The following AGMO variants were observed in gnomAD, a reference collection of about 807,000 sequenced individuals.
AGMO encodes alkylglycerol monooxygenase.
A neutral mutation model predicts 60.2 loss-of-function variants in AGMO; 75 were observed. That is an observed-to-expected ratio of 1.25 (90% CI 1.03 to 1.51). AGMO has a LOEUF of 1.51. Ranked by LOEUF, AGMO falls within the 40% of genes most tolerant of loss-of-function variation. AGMO has a pLI of 0.00. For missense variants in AGMO, 763 were observed against 525.5 expected, an observed-to-expected ratio of 1.45 and a Z score of -4.42; for synonymous variants, 261 against 177.1, an observed-to-expected ratio of 1.47 and a Z score of -3.76.
At chr7:15,325,658 TG>T (rs1319850575) in intron 12 of AGMO, among the ~76,000 whole-genome samples, 2 of 152,034 alleles carry the variant, frequency 1.3e-5, no homozygotes, top group East Asian at 3.9e-4. Context: ...TTAAAAGAAA[TG>T]TCATGTAAAA....
chr7:15,281,991 C>T (rs1583360183), intron 12 of AGMO, among the ~76,000 whole-genome samples: 1 of 152,138 alleles, frequency 6.6e-6, no homozygotes, highest in African/African-American at 2.4e-5. Flanking sequence ...CCTCTGAAAG[C>T]ACCAAGAGCA....
At chr7:15,369,222 G>A (rs1477239710) in intron 10 of AGMO, among the ~76,000 whole-genome samples, 1 of 151,964 alleles carries the variant, frequency 6.6e-6, no homozygotes, top group South Asian at 2.1e-4. Flanking sequence ...TCCCCTAACT[G>A]GTCTTCCTAC....
At chr7:15,512,041 G>T (rs1783689788) in intron 3 of AGMO, among the ~76,000 whole-genome samples, 1 of 150,240 alleles carries the variant, frequency 6.7e-6, no homozygotes, top group Non-Finnish European at 1.5e-5. Context: ...GAAGAGAAAA[G>T]AAAATGAACA....
chr7:15,138,240 G>C, the AGMO span, among the ~76,000 whole-genome samples: 1 of 152,128 alleles, frequency 6.6e-6, no homozygotes, highest in African/African-American at 2.4e-5. Context: ...CCTGGAGACA[G>C]AGCACTTTGT....
chr7:15,142,155 A>T, the AGMO span, among the ~76,000 whole-genome samples: 1 of 152,224 alleles, frequency 6.6e-6, no homozygotes, highest in Non-Finnish European at 1.5e-5. Flanking sequence ...TAATAATGAC[A>T]TTGTTCCCAA....
At chr7:15,341,260 G>C (rs903379546) in intron 12 of AGMO, among the ~76,000 whole-genome samples, 1 of 152,044 alleles carries the variant, frequency 6.6e-6, no homozygotes, top group African/African-American at 2.4e-5. Flanking sequence ...AAATTTTTAT[G>C]CTCTGTCACC....
the AGMO span, among the ~76,000 whole-genome samples, chr7:15,169,459 C>T: frequency 2.6e-5 from 4 of 151,266 alleles, no homozygotes; most frequent in African/African-American, 9.7e-5. Context: ...TTTTTTGAGA[C>T]AGTCTCGCTC....
intron 12 of AGMO, among the ~76,000 whole-genome samples, chr7:15,329,332 GAA>G (rs1222304467): frequency 6.6e-6 from 1 of 152,124 alleles, no homozygotes; most frequent in African/African-American, 2.4e-5. Context: ...AACAAGTTAT[GAA>G]AAGTCTCAGA....
At chr7:15,299,068 A>G (rs368983100) in intron 12 of AGMO, among the ~76,000 whole-genome samples, 95 of 151,918 alleles carry the variant, frequency 6.3e-4, no homozygotes, top group African/African-American at 2.2e-3. Context: ...ATCTCTAGCC[A>G]CTCTTTCATC....
At chr7:15,160,873 A>G in the AGMO span, among the ~76,000 whole-genome samples, 1 of 152,154 alleles carries the variant, frequency 6.6e-6, no homozygotes, top group African/African-American at 2.4e-5. Flanking sequence ...ATTTACAATG[A>G]ACAAAAATTT....
the AGMO span, among the ~76,000 whole-genome samples, chr7:15,161,891 A>AT: frequency 2.0e-5 from 3 of 152,262 alleles, no homozygotes; most frequent in Admixed American, 2.0e-4. Context: ...TGTTTGCCTC[A>AT]GAAGGTTAAC....
chr7:15,460,106 C>CAT (rs1554274950), intron 3 of AGMO, among the ~76,000 whole-genome samples: 3 of 121,704 alleles, frequency 2.5e-5, no homozygotes, highest in South Asian at 2.7e-4. Flanking sequence ...CCAATTTCCC[C>CAT]TTTTTTTTTT....
chr7:15,330,665 C>A (rs950635247), intron 12 of AGMO, among the ~76,000 whole-genome samples: 1 of 152,110 alleles, frequency 6.6e-6, no homozygotes, highest in Non-Finnish European at 1.5e-5. Flanking sequence ...GAAATACATT[C>A]TTACATACTT....
At chr7:15,181,056 A>G in the AGMO span, among the ~76,000 whole-genome samples, 1 of 152,294 alleles carries the variant, frequency 6.6e-6, no homozygotes, top group African/African-American at 2.4e-5. Context: ...GCATTAATCT[A>G]TTCATGAGGG....
chr7:15,533,703 G>T (rs1784421436), intron 3 of AGMO, among the ~76,000 whole-genome samples: 1 of 152,108 alleles, frequency 6.6e-6, no homozygotes, highest in Admixed American at 6.6e-5. Flanking sequence ...AAGAAGAAAA[G>T]ATCACTGCTA....
chr7:15,469,815 C>T (rs748912117), intron 3 of AGMO, among the ~76,000 whole-genome samples: 2 of 151,940 alleles, frequency 1.3e-5, no homozygotes, highest in Non-Finnish European at 2.9e-5. Context: ...TAGGAGATAT[C>T]TAGGAAGAGA....
chr7:15,393,182 A>T (rs1314038423), intron 6 of AGMO, among the ~76,000 whole-genome samples: 1 of 152,336 alleles, frequency 6.6e-6, no homozygotes, highest in East Asian at 1.9e-4. Flanking sequence ...GTGCCCTCTG[A>T]TCTGGCCTCT....
chr7:15,510,868 A>C (rs1783652513), intron 3 of AGMO, among the ~76,000 whole-genome samples: 2 of 147,996 alleles, frequency 1.4e-5, no homozygotes, highest in African/African-American at 2.5e-5. Context: ...TATAATGTTA[A>C]TGTTATAAAT....
chr7:15,354,460 A>ACG lies in AGMO; in HGVS notation c.1263+11052_1263+11053dup, dbSNP rs1563105761. 4.4e-4 allele frequency among the ~76,000 whole-genome samples: 8 copies of ACG among 18,036 alleles called. 1 individual carries two copies. The highest frequency in any genetic ancestry group is 1.9e-3 in the African/African-American group (8 of 4,112). The allele number at this position is 18,036 out of a possible 152,430, so 11.8% of individuals were successfully genotyped here. ...TGTATACACACGTGTGTGTATACACACGTGTGTGTATACACACGTGTGTAT... is the reference window on the plus strand; with the variant it reads ...TGTATACACACGTGTGTGTATACACACGCGTGTGTGTATACACACGTGTGTAT... On this transcript the variant is annotated intron_variant, in intron 12 of 12. Transcript: ENST00000342526.
Sources: allele counts gnomAD v4.1 joint callset (sites outside exome capture counted in the v4.1 genomes callset), GRCh38; gene constraint gnomAD v4.1.1; transcripts MANE v1.5; gene names NCBI Gene and HGNC (gene_info 2026-07-23, HGNC 2026-07-21).